The following PAFAH1B1 variants were observed in gnomAD, a reference collection of about 807,000 sequenced individuals.
The protein encoded by PAFAH1B1 is platelet-activating factor acetylhydrolase IB subunit beta.
In PAFAH1B1, 2 loss-of-function variants were observed where a neutral mutation model predicts 57.5. That is an observed-to-expected ratio of 0.03 (90% CI 0.01 to 0.11). The LOEUF (loss-of-function observed/expected upper bound fraction) is 0.11, where lower values mean the gene tolerates loss of function less well. Ranked by LOEUF, PAFAH1B1 falls within the 10% of genes least tolerant of loss-of-function variation. The pLI, the probability that PAFAH1B1 is intolerant of heterozygous loss-of-function variation, is 1.00. For synonymous variants in PAFAH1B1, 152 were observed against 169.6 expected, an observed-to-expected ratio of 0.90 and a Z score of 0.81; for missense variants, 257 against 512.0, an observed-to-expected ratio of 0.50 and a Z score of 4.81.
chr17:2,680,081 T>C, intron 9 of PAFAH1B1, 83 bp from the exon 10 acceptor site: 1 of 1,187,362 alleles, frequency 8.4e-7, no homozygotes. Flanking sequence ...GTTTTTGGTA[T>C]GTATAGTTTT....
chr17:2,652,156 A>G (rs991594359), intron 2 of PAFAH1B1, among the ~76,000 whole-genome samples: 8 of 37,726 alleles, frequency 2.1e-4, no homozygotes, highest in East Asian at 1.9e-3. Context: ...TCACGCCTGT[A>G]ATCCCACACT....
At chr17:2,613,666 C>T (rs1310877371) in intron 1 of PAFAH1B1, 4 of 287,938 alleles carry the variant, frequency 1.4e-5, no homozygotes, top group African/African-American at 2.2e-5. Flanking sequence ...AGCCAGACAG[C>T]CGCCCCTCCG....
chr17:2,632,958 A>G (rs1472235610), intron 1 of PAFAH1B1, among the ~76,000 whole-genome samples: 2 of 151,956 alleles, frequency 1.3e-5, no homozygotes, highest in African/African-American at 4.8e-5. Flanking sequence ...TTCATGTTTG[A>G]TTTTTGTGGC....
intron 1 of PAFAH1B1, among the ~76,000 whole-genome samples, chr17:2,624,713 C>T (rs905812015): frequency 4.6e-5 from 7 of 152,116 alleles, no homozygotes; most frequent in African/African-American, 1.7e-4. Context: ...TCTGTGGGGA[C>T]GCAGCCAAAC....
At chr17:2,680,132 T>C (rs2069356645) in intron 9 of PAFAH1B1, 32 bp from the exon 10 acceptor site, 1 of 1,608,152 alleles carries the variant, frequency 6.2e-7, no homozygotes. Context: ...ATTTTGCCTT[T>C]TACTGAGTCA....
intron 2 of PAFAH1B1, among the ~76,000 whole-genome samples, chr17:2,653,864 A>G (rs1219929099): frequency 6.6e-6 from 1 of 152,130 alleles, no homozygotes; most frequent in Non-Finnish European, 1.5e-5. Flanking sequence ...GCTGGAGTAC[A>G]GTGGCGCAAT....
chr17:2,638,132 G>A lies in PAFAH1B1; in HGVS notation c.-157G>A, dbSNP rs1044766484. ...AATCTTACTTGTTGAATATCTTCTG[G>A]TTACTAGTTGGATTCATTTGTGAAA... On this transcript the variant is annotated 5_prime_UTR_variant, in exon 2 of 11. Transcript: ENST00000397195. The A allele has an allele frequency of 2.1e-4, 123 of 585,674 alleles. 3 individuals are homozygous for A. The East Asian group carries it at 3.1e-3, about 15-fold the overall frequency. 36.3% of individuals were successfully genotyped at this position (585,674 alleles called of 1,614,324 possible). A position where few individuals can be genotyped will look rare whatever the true frequency, so the allele number is the denominator to read the frequency against.
intron 1 of PAFAH1B1, among the ~76,000 whole-genome samples, chr17:2,615,834 T>C (rs1420639065): frequency 6.6e-6 from 1 of 152,154 alleles, no homozygotes; most frequent in Non-Finnish European, 1.5e-5. Context: ...ACCTAACATG[T>C]TTGATCAGTC....
At position 2,653,877 on chromosome 17, in the gene PAFAH1B1, C is replaced by T. The variant is rs537125915; in HGVS notation, c.33-11495C>T. Among the ~76,000 whole-genome samples, 38 of 152,256 alleles carry T rather than the reference C, an allele frequency of 2.5e-4. 1 individual carries two copies. Among genetic ancestry groups the T allele is most frequent in the Non-Finnish European group, 4.7e-4 (32 of 68,018 alleles). On this transcript the variant is annotated intron_variant, in intron 2 of 10. Coordinates refer to ENST00000397195, the MANE Select transcript of PAFAH1B1 (RefSeq NM_000430.4). ...AGGCTGGAGTACAGTGGCGCAATCTCGGCTTACTGCAACCTCCACCTCCTG... is the reference window on the plus strand; with the variant it reads ...AGGCTGGAGTACAGTGGCGCAATCTTGGCTTACTGCAACCTCCACCTCCTG...
At chr17:2,666,957 ATC>A in intron 4 of PAFAH1B1, 33 bp from the exon 5 acceptor site, 1 of 1,500,932 alleles carries the variant, frequency 6.7e-7, no homozygotes. Flanking sequence ...TTTTATTGAA[ATC>A]TATCTGTACG....
intron 10 of PAFAH1B1, among the ~76,000 whole-genome samples, chr17:2,680,598 T>C (rs2069367709): frequency 6.6e-6 from 1 of 152,254 alleles, no homozygotes; most frequent in African/African-American, 2.4e-5. Flanking sequence ...CTTACCACTC[T>C]GATGGGTAAT....
chr17:2,619,514 C>T (rs1194428933), intron 1 of PAFAH1B1, among the ~76,000 whole-genome samples: 1 of 149,366 alleles, frequency 6.7e-6, no homozygotes, highest in Admixed American at 6.7e-5. Context: ...CAGGTGTGAG[C>T]CACTGTGCCT....
rs766053480 is a variant in PAFAH1B1 at position 2,674,186 on chromosome 17, G to A, written c.798G>A (p.Lys266=). The stretch of plus-strand genomic sequence containing the variant: ...TGCGTGTATGGGTCGTAGCAACAAA[G>A]GAATGCAAGGCTGAGCTCCGAGAGC... ...QTVRVWVVAT[K]ECKAELREHE... is the part of the protein sequence containing the mutation. The change falls in exon 8 of 11, where the codon AAG becomes AAA. Residue 266 remains lysine, a synonymous_variant. Coordinates refer to ENST00000397195, the MANE Select transcript of PAFAH1B1 (RefSeq NM_000430.4). 6 of 1,614,158 alleles carry A rather than the reference G, an allele frequency of 3.7e-6. No homozygotes were observed. In the Admixed American group the frequency reaches 6.7e-5, roughly 18 times the overall value.
At chr17:2,653,673 C>T (rs56153770) in intron 2 of PAFAH1B1, among the ~76,000 whole-genome samples, 20,518 of 151,838 alleles carry the variant, frequency 0.14, 1,727 homozygotes, top group South Asian at 0.3. Context: ...ACAAAGTACA[C>T]GAATGAATTT....
chr17:2,665,493 T>C (rs755333029), intron 3 of PAFAH1B1, 37 bp downstream of exon 3: 9 of 1,183,520 alleles, frequency 7.6e-6, no homozygotes, highest in Non-Finnish European at 1.1e-5. Context: ...GTATAGTTAA[T>C]GAGTGGATTT....
At chr17:2,634,791 A>G (rs1365554640) in intron 1 of PAFAH1B1, among the ~76,000 whole-genome samples, 1 of 152,124 alleles carries the variant, frequency 6.6e-6, no homozygotes, top group Non-Finnish European at 1.5e-5. Context: ...CGCAGGTGGC[A>G]ATACTTGTCA....
At chr17:2,631,723 C>G (rs573333364) in intron 1 of PAFAH1B1, among the ~76,000 whole-genome samples, 35 of 152,246 alleles carry the variant, frequency 2.3e-4, no homozygotes, top group Non-Finnish European at 4.3e-4. Context: ...AGGAGCAATC[C>G]GCTTCCTTCA....
At chr17:2,655,792 A>G (rs1055407901) in intron 2 of PAFAH1B1, among the ~76,000 whole-genome samples, 1 of 152,170 alleles carries the variant, frequency 6.6e-6, no homozygotes, top group Non-Finnish European at 1.5e-5. Context: ...GTGAAAAAAA[A>G]AAAAATAGAA....
chr17:2,645,445 T>C lies in PAFAH1B1; in HGVS notation c.32+7125T>C, dbSNP rs567770175. 2.3e-4 allele frequency among the ~76,000 whole-genome samples: 34 copies of C among 151,068 alleles called. No homozygotes were observed. In the East Asian group the frequency reaches 6.0e-3, roughly 26 times the overall value. On this transcript the variant is annotated intron_variant, in intron 2 of 10. Coordinates refer to ENST00000397195, the MANE Select transcript of PAFAH1B1 (RefSeq NM_000430.4). ...CCACCTCTACTAAAAATGCAAAAAT[T>C]AGCTGGGCGTGATAGCGCATGCCTG...
Sources: gnomAD v4.1 joint callset for allele counts (sites outside exome capture counted in the v4.1 genomes callset) on GRCh38, gnomAD v4.1.1 for gene constraint, MANE v1.5 for transcripts, NCBI Gene and HGNC (gene_info 2026-07-23, HGNC 2026-07-21) for gene names.